Variants in PRKN observed in about 807,000 individuals in gnomAD.
PRKN encodes the protein E3 ubiquitin-protein ligase parkin.
A neutral mutation model predicts 59.5 loss-of-function variants in PRKN; 56 were observed. The observed-to-expected ratio is 0.94, with a 90% CI of 0.76 to 1.18. PRKN has a LOEUF of 1.18. PRKN is among the 50% of genes most tolerant of loss of function. PRKN has a pLI of 0.00. For synonymous variants in PRKN, 250 were observed against 222.1 expected, an observed-to-expected ratio of 1.13 and a Z score of -1.12; for missense variants, 657 against 596.4, an observed-to-expected ratio of 1.10 and a Z score of -1.06.
intron 2 of PRKN, among the ~76,000 whole-genome samples, chr6:162,435,595 G>T (rs1789731085): frequency 6.6e-6 from 1 of 152,146 alleles, no homozygotes; most frequent in South Asian, 2.1e-4. Context: ...ATCATTCTTT[G>T]ATTCTAGACT....
intron 1 of PRKN, among the ~76,000 whole-genome samples, chr6:162,461,694 TC>T (rs1791185074): frequency 6.6e-6 from 1 of 150,540 alleles, no homozygotes; most frequent in Non-Finnish European, 1.5e-5. Flanking sequence ...GGTGGTGCGT[TC>T]CTGTAACCCC....
intron 5 of PRKN, among the ~76,000 whole-genome samples, chr6:161,985,479 G>A (rs1363916344): frequency 6.6e-6 from 1 of 152,084 alleles, no homozygotes; most frequent in African/African-American, 2.4e-5. Context: ...TGTGTTAGCT[G>A]GTAATTATTT....
rs562805486 is a variant in PRKN at position 161,964,885 on chromosome 6, T to C, written c.734+8417A>G. ...TGATGGAAAGTAGCTATTGGTAATG[T>C]CAAAAATCAGACTGACAAAGAACTT... On this transcript the variant is annotated intron_variant, in intron 6 of 11. Coordinates refer to ENST00000366898, the MANE Select transcript of PRKN (RefSeq NM_004562.3). Among the ~76,000 whole-genome samples, 59 of 152,066 alleles carry C rather than the reference T, an allele frequency of 3.9e-4. 2 individuals are homozygous for C. Among genetic ancestry groups the C allele is most frequent in the Non-Finnish European group, 5.6e-4 (38 of 68,034 alleles).
intron 1 of PRKN, among the ~76,000 whole-genome samples, chr6:162,485,480 C>T: frequency 6.6e-6 from 1 of 152,140 alleles, no homozygotes. Context: ...CAGAAGTAGA[C>T]TTAAATGTTA....
intron 6 of PRKN, among the ~76,000 whole-genome samples, chr6:161,853,284 T>C (rs927145693): frequency 6.6e-5 from 10 of 152,172 alleles, no homozygotes; most frequent in Admixed American, 4.6e-4. Context: ...AATATTGTTT[T>C]AGGGGATGTA....
At chr6:161,720,707 C>T (rs1378103157) in intron 7 of PRKN, among the ~76,000 whole-genome samples, 1 of 151,994 alleles carries the variant, frequency 6.6e-6, no homozygotes, top group Non-Finnish European at 1.5e-5. Context: ...ATGCCCTTTG[C>T]TTTCAAAATA....
intron 1 of PRKN, among the ~76,000 whole-genome samples, chr6:162,477,749 T>A (rs62428772): frequency 0.15 from 22,631 of 152,140 alleles, 1,875 homozygotes; most frequent in Non-Finnish European, 0.18. Context: ...TAGGTCATGC[T>A]TCATATTCTC....
chr6:162,528,331 A>G (rs1778377524), intron 1 of PRKN, among the ~76,000 whole-genome samples: 1 of 151,702 alleles, frequency 6.6e-6, no homozygotes, highest in African/African-American at 2.4e-5. Flanking sequence ...AAGAAAAAAA[A>G]AAAAATTTAC....
intron 4 of PRKN, among the ~76,000 whole-genome samples, chr6:162,088,417 A>T (rs188746582): frequency 6.6e-6 from 1 of 152,208 alleles, no homozygotes; most frequent in Non-Finnish European, 1.5e-5. Flanking sequence ...AATTTACTGG[A>T]TATTTTGTCA....
chr6:161,746,328 T>C (rs1419463301), intron 7 of PRKN, among the ~76,000 whole-genome samples: 1 of 151,874 alleles, frequency 6.6e-6, no homozygotes, highest in East Asian at 1.9e-4. Flanking sequence ...GACCCAGCTG[T>C]GGGGGACTAT....
At chr6:162,543,397 C>A (rs898656927) in intron 1 of PRKN, among the ~76,000 whole-genome samples, 4 of 152,092 alleles carry the variant, frequency 2.6e-5, no homozygotes, top group African/African-American at 4.8e-5. Context: ...CTCACAGCAG[C>A]TGCTCACATC....
chr6:162,018,810 G>A (rs904530388), intron 5 of PRKN, among the ~76,000 whole-genome samples: 3 of 152,062 alleles, frequency 2.0e-5, no homozygotes, highest in Non-Finnish European at 4.4e-5. Flanking sequence ...GCAATAATGA[G>A]ATTACTATGT....
chr6:161,455,113 A>C (rs1231932703), intron 9 of PRKN, among the ~76,000 whole-genome samples: 5 of 149,830 alleles, frequency 3.3e-5, no homozygotes, highest in Admixed American at 2.0e-4. Context: ...ATCTCGGCTC[A>C]CTGCAACCTC....
intron 1 of PRKN, among the ~76,000 whole-genome samples, chr6:162,477,356 C>T (rs562939130): frequency 6.6e-6 from 1 of 152,202 alleles, no homozygotes; most frequent in Non-Finnish European, 1.5e-5. Flanking sequence ...AAAATAAATT[C>T]GCTGATGAAT....
intron 3 of PRKN, among the ~76,000 whole-genome samples, chr6:162,234,758 A>C (rs1186321158): frequency 6.6e-6 from 1 of 152,210 alleles, no homozygotes; most frequent in Non-Finnish European, 1.5e-5. Flanking sequence ...CAGAACCAAG[A>C]ATAGAGGGCA....
At chr6:161,710,874 TC>T (rs1786716880) in intron 7 of PRKN, among the ~76,000 whole-genome samples, 10 of 106,266 alleles carry the variant, frequency 9.4e-5, no homozygotes, top group South Asian at 4.2e-4. Context: ...TTTCCTTCCT[TC>T]CTTCCTTCTC....
rs75405832 is a variant in PRKN, at chr6:162,135,325, G to C, written c.534+65806C>G. Among the ~76,000 whole-genome samples, 58 of 152,144 alleles carry C rather than the reference G, an allele frequency of 3.8e-4. No homozygotes were observed. The East Asian group carries it at 8.9e-3, about 23-fold the overall frequency. On this transcript the variant is annotated intron_variant, in intron 4 of 11. Coordinates refer to ENST00000366898, the MANE Select transcript of PRKN (RefSeq NM_004562.3). ...CTAAAACACCGCGATTAAAGGCACA[G>C]AAAACATTTTTACTTTTATTCCCGA...
intron 2 of PRKN, among the ~76,000 whole-genome samples, chr6:162,335,387 T>C (rs912688297): frequency 4.6e-5 from 7 of 152,108 alleles, no homozygotes; most frequent in Admixed American, 2.6e-4. Flanking sequence ...ATTAATAGAC[T>C]ACATTACAGT....
In PRKN at chr6:162,496,397, C is replaced by T. The variant is rs78794159; in HGVS notation, c.8-52924G>A. On this transcript the variant is annotated intron_variant, in intron 1 of 11. Transcript: ENST00000366898. ...CAGGTATTTTGTGACAGTAATAGGC[C>T]CACTCAAGCAGCTGGATATACAGCT... 7.5e-3 allele frequency among the ~76,000 whole-genome samples: 1,140 copies of T among 151,984 alleles called. 15 individuals carry two copies. Among genetic ancestry groups the T allele is most frequent in the African/African-American group, 0.026 (1,096 of 41,446 alleles).
Sources: allele counts gnomAD v4.1 joint callset (sites outside exome capture counted in the v4.1 genomes callset), GRCh38; gene constraint gnomAD v4.1.1; transcripts MANE v1.5; gene names NCBI Gene and HGNC (gene_info 2026-07-23, HGNC 2026-07-21).